Variants in PTPRA observed in about 807,000 individuals in gnomAD.
PTPRA encodes receptor-type tyrosine-protein phosphatase alpha.
In PTPRA, 25 loss-of-function variants were observed where a neutral mutation model predicts 104.8. The observed-to-expected ratio is 0.24, with a 90% confidence interval of 0.17 to 0.33. PTPRA has a LOEUF of 0.33. Ranked by LOEUF, PTPRA falls within the 10% of genes least tolerant of loss-of-function variation. PTPRA has a pLI of 1.00. For synonymous variants in PTPRA, 323 were observed against 368.9 expected (o/e 0.88, Z 1.43); for missense variants, 765 against 1,015.3 (o/e 0.75, Z 3.35).
At chr20:2,998,188 A>AT (rs1268164590) in intron 9 of PTPRA, among the ~76,000 whole-genome samples, 1 of 152,078 alleles carries the variant, frequency 6.6e-6, no homozygotes, top group East Asian at 1.9e-4. Context: ...AAAAAAAAAA[A>AT]AAAAAAAAGG....
In PTPRA at chr20:3,037,907, TCTGG is replaced by T. The variant is rs1320170779; in HGVS notation, c.2335-150_2335-147del. 7 of 668,616 alleles carry T rather than the reference TCTGG, an allele frequency of 1.0e-5. No individual in the cohort carries two copies. Among genetic ancestry groups the T allele is most frequent in the Admixed American group, 5.5e-5 (2 of 36,616 alleles). The allele number at this position is 668,616 out of a possible 1,614,324, so 41.4% of individuals were successfully genotyped here. A position where few individuals can be genotyped will look rare whatever the true frequency, so the allele number is the denominator to read the frequency against. On this transcript the variant is annotated intron_variant, in intron 23 of 23. Coordinates refer to ENST00000399903, the MANE Select transcript of PTPRA (RefSeq NM_001385305.1). The surrounding 1 kb of genome is among the most constrained non-coding windows in gnomAD (Gnocchi z 4.3). ...CCCGGAAGGGGAATGCTGTCAGAAC[TCTGG>T]CAGGCAGATCAGAGCTCAGGTGAAA...
rs536591841 is a variant in PTPRA, at chr20:3,030,364, A to C, written c.1920+2523A>C. 5.9e-5 allele frequency among the ~76,000 whole-genome samples: 9 copies of C among 152,318 alleles called. 1 individual carries two copies. The highest frequency in any genetic ancestry group is 2.2e-4 in the African/African-American group (9 of 41,570). ...CTCTGTCTTCCTAGGCCAGTGAAGC[A>C]GACAGTAGTGCTTGCCCTCAAAAGC... On this transcript the variant is annotated intron_variant, in intron 20 of 23. Transcript: ENST00000399903.
In PTPRA at chr20:2,964,218, A is replaced by G. The variant is rs551223772; in HGVS notation, c.-6-54A>G. On this transcript the variant is annotated intron_variant, in intron 3 of 23. Coordinates refer to ENST00000399903, the MANE Select transcript of PTPRA (RefSeq NM_001385305.1). ...AGAATACTCTTCTGGTGACCAGCTCAGACATAGTCCTGATAATATAGGACC... is the reference window on the plus strand; with the variant it reads ...AGAATACTCTTCTGGTGACCAGCTCGGACATAGTCCTGATAATATAGGACC... 201 of 1,407,940 alleles carry G rather than the reference A, an allele frequency of 1.4e-4. 3 individuals carry two copies. In the South Asian group the frequency reaches 2.2e-3, roughly 15 times the overall value. 87.2% of individuals were successfully genotyped at this position (1,407,940 alleles called of 1,614,324 possible). A position where few individuals can be genotyped will look rare whatever the true frequency, so the allele number is the denominator to read the frequency against.
chr20:2,926,386 A>G (rs1051130544), intron 2 of PTPRA, among the ~76,000 whole-genome samples: 4 of 152,172 alleles, frequency 2.6e-5, no homozygotes, highest in Non-Finnish European at 4.4e-5. Context: ...TACATTGTAG[A>G]TGGCATTCTC....
intron 1 of PTPRA, among the ~76,000 whole-genome samples, chr20:2,904,537 C>T (rs1296918312): frequency 6.6e-6 from 1 of 151,536 alleles, no homozygotes; most frequent in Non-Finnish European, 1.5e-5. Context: ...GGCATGGTAG[C>T]GGATGCCTGC....
At chr20:2,895,382 C>T (rs1189445331) in intron 1 of PTPRA, among the ~76,000 whole-genome samples, 1 of 151,740 alleles carries the variant, frequency 6.6e-6, no homozygotes, top group Non-Finnish European at 1.5e-5. Context: ...CCACACCCAG[C>T]CTACTACATA....
chr20:2,897,469 C>A (rs940138430), intron 1 of PTPRA, among the ~76,000 whole-genome samples: 1 of 148,840 alleles, frequency 6.7e-6, no homozygotes, highest in South Asian at 2.1e-4. Context: ...CTCACTGCAA[C>A]CTCTGCCTCC....
intron 3 of PTPRA, among the ~76,000 whole-genome samples, chr20:2,962,877 C>T (rs569440503): frequency 2.2e-4 from 34 of 152,262 alleles, no homozygotes; most frequent in South Asian, 1.9e-3. Context: ...CTCTTCCCCC[C>T]CTACCCTTGA....
intron 6 of PTPRA, among the ~76,000 whole-genome samples, chr20:2,984,174 G>A (rs1313954125): frequency 6.6e-6 from 1 of 152,136 alleles, no homozygotes; most frequent in African/African-American, 2.4e-5. Context: ...TAACAAAGAA[G>A]CGTCATGTAA....
the PTPRA span, chr20:2,864,893 G>T: frequency 6.3e-7 from 1 of 1,580,772 alleles, no homozygotes; most frequent in Non-Finnish European, 8.7e-7. The surrounding 1 kb of genome is among the most constrained non-coding windows in gnomAD (Gnocchi z 5.2). Flanking sequence ...CTGGGCACAG[G>T]GATGGGGGAG....
intron 6 of PTPRA, among the ~76,000 whole-genome samples, chr20:2,976,084 C>A (rs2062421407): frequency 6.6e-6 from 1 of 152,132 alleles, no homozygotes; most frequent in African/African-American, 2.4e-5. Context: ...TGGGTACTCT[C>A]TTCCTTTATG....
intron 1 of PTPRA, among the ~76,000 whole-genome samples, chr20:2,887,360 T>G (rs2090445608): frequency 6.6e-6 from 1 of 152,222 alleles, no homozygotes; most frequent in Non-Finnish European, 1.5e-5. Flanking sequence ...GTAAAAGGTT[T>G]GTTTGTGGAG....
intron 9 of PTPRA, among the ~76,000 whole-genome samples, chr20:3,001,296 T>C (rs781011889): frequency 2.6e-5 from 4 of 152,226 alleles, no homozygotes; most frequent in Non-Finnish European, 5.9e-5. Context: ...TCTTCTCTCT[T>C]GTTAAACAAT....
intron 2 of PTPRA, among the ~76,000 whole-genome samples, chr20:2,943,556 A>C (rs2061010546): frequency 6.6e-6 from 1 of 152,150 alleles, no homozygotes; most frequent in Non-Finnish European, 1.5e-5. Flanking sequence ...CCTCACAGAA[A>C]TATCCAGAAT....
chr20:2,864,675 G>A, the PTPRA span: 10 of 1,598,446 alleles, frequency 6.3e-6, no homozygotes, highest in African/African-American at 1.2e-4. This position sits in a 1 kb window ranked among gnomAD's most constrained non-coding sequence, Gnocchi z 5.2. Context: ...CATGGGGCGT[G>A]TGGGGCGTGT....
intron 1 of PTPRA, among the ~76,000 whole-genome samples, chr20:2,888,776 G>T (rs1005754206): frequency 1.3e-5 from 2 of 152,112 alleles, no homozygotes; most frequent in Non-Finnish European, 2.9e-5. Flanking sequence ...GTGAAACCAT[G>T]CTGAAATACT....
At chr20:2,915,350 C>CTAAATTTTGAAATTTAGGA (rs2059862945) in intron 1 of PTPRA, among the ~76,000 whole-genome samples, 1 of 152,086 alleles carries the variant, frequency 6.6e-6, no homozygotes, top group African/African-American at 2.4e-5. Flanking sequence ...AGGTTATTTC[C>CTAAATTTTGAAATTTAGGA]ACCATTTGGC....
At chr20:2,945,228 G>A (rs555842393) in intron 2 of PTPRA, among the ~76,000 whole-genome samples, 18 of 152,072 alleles carry the variant, frequency 1.2e-4, no homozygotes, top group South Asian at 6.2e-4. Context: ...TAATGCTACA[G>A]GACTGTTCTT....
intron 2 of PTPRA, among the ~76,000 whole-genome samples, chr20:2,945,950 A>G (rs1041703581): frequency 6.6e-5 from 10 of 151,416 alleles, no homozygotes; most frequent in South Asian, 2.1e-4. Context: ...GCGTGTGTGT[A>G]TATATATATA....
Sources: allele counts gnomAD v4.1 joint callset (sites outside exome capture counted in the v4.1 genomes callset), GRCh38; gene constraint gnomAD v4.1.1; non-coding constraint Gnocchi (gnomAD v3.1); transcripts MANE v1.5; gene names NCBI Gene and HGNC (gene_info 2026-07-23, HGNC 2026-07-21).